SHISA6: variants seen among roughly 807,000 people sequenced by gnomAD.
SHISA6 encodes protein shisa-6.
Under a neutral mutation model 47.9 loss-of-function variants are expected in SHISA6, and 22 were observed. The observed-to-expected ratio is 0.46, with a 90% CI of 0.33 to 0.66. The LOEUF (loss-of-function observed/expected upper bound fraction) is 0.66, where lower values mean the gene tolerates loss of function less well. SHISA6 is among the 30% of genes least tolerant of loss of function. The pLI is 0.02. For missense variants in SHISA6, 680 were observed against 764.6 expected (o/e 0.89, Z 1.30); for synonymous variants, 388 against 337.8 (o/e 1.15, Z -1.63).
chr17:11,460,540 C>T (rs1482716943), intron 3 of SHISA6, among the ~76,000 whole-genome samples: 3 of 152,132 alleles, frequency 2.0e-5, no homozygotes, highest in African/African-American at 7.2e-5. Context: ...TACAGGCACC[C>T]ACCACCATGC....
At chr17:11,535,575 CA>C (rs1448354074) in intron 3 of SHISA6, among the ~76,000 whole-genome samples, 4 of 152,144 alleles carry the variant, frequency 2.6e-5, no homozygotes, top group Non-Finnish European at 5.9e-5. Flanking sequence ...AAGAATCAGC[CA>C]TTTATTACCA....
chr17:11,252,406 G>T (rs989333625), intron 1 of SHISA6, among the ~76,000 whole-genome samples: 1 of 152,148 alleles, frequency 6.6e-6, no homozygotes, highest in Non-Finnish European at 1.5e-5. Context: ...TCTGGGAAGC[G>T]TGTTTTCCAC....
At position 11,431,656 on chromosome 17, in the gene SHISA6, G is replaced by A. The variant is rs147793960; in HGVS notation, c.895+52147G>A. 3.0e-3 allele frequency among the ~76,000 whole-genome samples: 457 copies of A among 152,198 alleles called. 1 individual carries two copies. The highest frequency in any genetic ancestry group is 2.8e-3 in the Non-Finnish European group (192 of 68,004). On this transcript the variant is annotated intron_variant, in intron 3 of 5. Coordinates refer to ENST00000441885, the MANE Select transcript of SHISA6 (RefSeq NM_207386.4). Reference sequence around the variant, plus strand: ...ATGTTTCAGAAAACCCCACTGTAGCGATTGATCTTGTCCAAGAGCTATCCG... The same window carrying A: ...ATGTTTCAGAAAACCCCACTGTAGCAATTGATCTTGTCCAAGAGCTATCCG...
intron 3 of SHISA6, among the ~76,000 whole-genome samples, chr17:11,455,910 C>A (rs776289972): frequency 2.6e-5 from 4 of 152,192 alleles, no homozygotes; most frequent in African/African-American, 9.6e-5. Flanking sequence ...CCTGTTGATA[C>A]TAAAATGAGT....
intron 3 of SHISA6, among the ~76,000 whole-genome samples, chr17:11,456,621 C>A (rs72807176): frequency 6.6e-6 from 1 of 152,202 alleles, no homozygotes; most frequent in East Asian, 1.9e-4. Context: ...GTTCTTTGAA[C>A]CTCCTAAGTG....
intron 3 of SHISA6, among the ~76,000 whole-genome samples, chr17:11,493,023 G>A (rs1396224531): frequency 6.6e-6 from 1 of 152,118 alleles, no homozygotes; most frequent in Non-Finnish European, 1.5e-5. Context: ...TTGCAGGTGG[G>A]GAACCATTCC....
At chr17:11,353,285 C>G (rs560608856) in intron 2 of SHISA6, among the ~76,000 whole-genome samples, 2 of 151,942 alleles carry the variant, frequency 1.3e-5, no homozygotes, top group African/African-American at 4.8e-5. Flanking sequence ...GGTGAAACCC[C>G]GTCTCTACTA....
intron 3 of SHISA6, among the ~76,000 whole-genome samples, chr17:11,502,784 G>C (rs555642566): frequency 6.6e-6 from 1 of 152,136 alleles, no homozygotes; most frequent in African/African-American, 2.4e-5. Context: ...GTGGGGTTCC[G>C]GGGTTGGCAA....
chr17:11,316,492 C>T (rs886783990), intron 2 of SHISA6, among the ~76,000 whole-genome samples: 2 of 146,044 alleles, frequency 1.4e-5, no homozygotes, highest in African/African-American at 5.1e-5. Context: ...GTGATCTTGG[C>T]TCACTGCAAC....
intron 3 of SHISA6, among the ~76,000 whole-genome samples, chr17:11,457,740 C>CAAAAA (rs56835775): frequency 3.0e-4 from 31 of 101,852 alleles, no homozygotes; most frequent in East Asian, 6.4e-4. Context: ...GACTCAGTCT[C>CAAAAA]AAAAAAAAAA....
intron 3 of SHISA6, among the ~76,000 whole-genome samples, chr17:11,446,627 G>A (rs1339890547): frequency 6.6e-6 from 1 of 152,224 alleles, no homozygotes; most frequent in African/African-American, 2.4e-5. Flanking sequence ...TTTGGGCAGA[G>A]GTGTGTGGGT....
intron 2 of SHISA6, among the ~76,000 whole-genome samples, chr17:11,269,351 CT>C (rs1908554779): frequency 6.6e-6 from 1 of 152,076 alleles, no homozygotes; most frequent in African/African-American, 2.4e-5. Flanking sequence ...GCCCAGGCTT[CT>C]TACTGAGCCC....
chr17:11,292,588 T>C (rs1909591188), intron 2 of SHISA6, among the ~76,000 whole-genome samples: 1 of 151,994 alleles, frequency 6.6e-6, no homozygotes, highest in Admixed American at 6.6e-5. Context: ...CATGCAAAGA[T>C]CCTGGGGAAG....
chr17:11,373,862 A>T (rs948420555), intron 2 of SHISA6, among the ~76,000 whole-genome samples: 10 of 152,240 alleles, frequency 6.6e-5, no homozygotes, highest in Non-Finnish European at 1.2e-4. Context: ...TATTGCAGTG[A>T]ACATGCTGGT....
At chr17:11,262,089 GT>G (rs1177645694) in intron 1 of SHISA6, among the ~76,000 whole-genome samples, 2 of 152,292 alleles carry the variant, frequency 1.3e-5, no homozygotes, top group East Asian at 1.9e-4. Context: ...TTTTGAGTTA[GT>G]TTTTTATATG....
intron 3 of SHISA6, among the ~76,000 whole-genome samples, chr17:11,506,247 C>CA (rs1227295575): frequency 6.6e-6 from 1 of 152,194 alleles, no homozygotes; most frequent in Non-Finnish European, 1.5e-5. Flanking sequence ...GGCCTCCCTG[C>CA]ATCTCTTCTT....
At chr17:11,327,869 G>T (rs28636857) in intron 2 of SHISA6, among the ~76,000 whole-genome samples, 4,160 of 152,002 alleles carry the variant, frequency 0.027, 188 homozygotes, top group African/African-American at 0.095. Context: ...CTGACAAAAG[G>T]CAATTTAAGT....
chr17:11,412,165 T>C (rs1303133701), intron 3 of SHISA6, among the ~76,000 whole-genome samples: 1 of 152,190 alleles, frequency 6.6e-6, no homozygotes, highest in Non-Finnish European at 1.5e-5. Context: ...TTTGAGTCCT[T>C]GGAAAAAATC....
At chr17:11,424,114 A>G (rs1914536255) in intron 3 of SHISA6, among the ~76,000 whole-genome samples, 1 of 152,208 alleles carries the variant, frequency 6.6e-6, no homozygotes, top group Admixed American at 6.5e-5. Flanking sequence ...CAAAAAGAAT[A>G]TGGAAGAAAC....
Sources: gnomAD v4.1 joint callset for allele counts (sites outside exome capture counted in the v4.1 genomes callset) on GRCh38, gnomAD v4.1.1 for gene constraint, MANE v1.5 for transcripts, NCBI Gene and HGNC (gene_info 2026-07-23, HGNC 2026-07-21) for gene names.